UBN2: variants seen among roughly 807,000 people sequenced by gnomAD.
UBN2 encodes the protein ubinuclein-2.
UBN2 carries 35 observed loss-of-function variants against 120.2 expected under a neutral mutation model. The ratio of observed to expected loss-of-function variants is 0.29; its 90% CI spans 0.22 to 0.39. The LOEUF is 0.39. UBN2 is among the 10% of genes least tolerant of loss of function. The pLI is 1.00. For synonymous variants in UBN2, 661 were observed against 648.7 expected (o/e 1.02, Z -0.29); for missense variants, 1,693 against 1,663.2 (o/e 1.02, Z -0.31).
At chr7:139,291,089 G>A (rs544344750) in intron 15 of UBN2, among the ~76,000 whole-genome samples, 7 of 152,158 alleles carry the variant, frequency 4.6e-5, no homozygotes, top group African/African-American at 1.2e-4. Context: ...AGATGGACAC[G>A]GTGGCTCACG....
At chr7:139,266,680 T>C (rs1797107941) in intron 7 of UBN2, among the ~76,000 whole-genome samples, 2 of 152,236 alleles carry the variant, frequency 1.3e-5, no homozygotes, top group South Asian at 4.1e-4. Flanking sequence ...TTAACGTACT[T>C]CATACCACCT....
chr7:139,257,437 C>T (rs1796792594), intron 3 of UBN2, among the ~76,000 whole-genome samples: 1 of 152,146 alleles, frequency 6.6e-6, no homozygotes, highest in African/African-American at 2.4e-5. Flanking sequence ...GAGACAGAGT[C>T]TCGCTGTGTC....
At chr7:139,264,517 A>G (rs76843458) in intron 6 of UBN2, among the ~76,000 whole-genome samples, 1,773 of 152,282 alleles carry the variant, frequency 0.012, 42 homozygotes, top group African/African-American at 0.041. Flanking sequence ...GAAGTCTGCA[A>G]CTTCAATGTG....
chr7:139,322,917 C>T, the UBN2 span, among the ~76,000 whole-genome samples: 2 of 152,102 alleles, frequency 1.3e-5, no homozygotes, highest in African/African-American at 2.4e-5. Context: ...CAGTTTCACA[C>T]AGGACAGAAA....
intron 12 of UBN2, among the ~76,000 whole-genome samples, chr7:139,278,803 C>A (rs1797520374): frequency 6.6e-6 from 1 of 152,078 alleles, no homozygotes; most frequent in Non-Finnish European, 1.5e-5. Context: ...TACTATGGAA[C>A]TTGTTCTTTT....
intron 5 of UBN2, among the ~76,000 whole-genome samples, chr7:139,260,971 C>T (rs1456338183): frequency 6.6e-6 from 1 of 152,046 alleles, no homozygotes; most frequent in African/African-American, 2.4e-5. Context: ...AGCATTTAAG[C>T]CATAGGATTT....
In UBN2 at chr7:139,245,616, G is replaced by T. The variant is rs1006006579; in HGVS notation, c.562-6340G>T. On this transcript the variant is annotated intron_variant, in intron 2 of 17. Transcript: ENST00000473989. ...ATATCTGATTGTGCCCATTACAACA[G>T]AACCTGTTTGTTTAGTTTTCCCAGG... Among the ~76,000 whole-genome samples the T allele has an allele frequency of 2.0e-5, 3 of 152,182 alleles. No individual in the cohort carries two copies. In the South Asian group the frequency reaches 6.2e-4, roughly 31 times the overall value.
rs1798227335 is a variant in UBN2 at position 139,300,448 on chromosome 7, C to G, written c.*2612C>G. 1 of 152,072 alleles carries G rather than the reference C, an allele frequency of 6.6e-6. No individual in the cohort carries two copies. Among genetic ancestry groups the G allele is most frequent in the Non-Finnish European group, 1.5e-5 (1 of 68,016 alleles). The allele number at this position is 152,072 out of a possible 1,614,324, so 9.4% of individuals were successfully genotyped here. ...AAAGGTGCCCATACTTTATGGTCAC[C>G]TGTCTTTACCGTTTTTATTACTAAA... is the stretch of plus-strand genomic sequence containing the variant. On this transcript the variant is annotated 3_prime_UTR_variant, in exon 18 of 18. Transcript: ENST00000473989.
intron 11 of UBN2, among the ~76,000 whole-genome samples, chr7:139,274,491 A>T (rs538809038): frequency 6.6e-6 from 1 of 152,310 alleles, no homozygotes; most frequent in South Asian, 2.1e-4. Context: ...GGCCAGGCAC[A>T]GTGGCTTATG....
At position 139,261,758 on chromosome 7, in the gene UBN2, T is replaced by G; in HGVS notation, c.1395+17T>G. ...CTTCGTGTAGTAAGTGTAATAATTC[T>G]CTTGCTTTTTATTTGCTGCACAAAC... On this transcript the variant is annotated intron_variant, in intron 6 of 17. Transcript: ENST00000473989. 1 of 1,590,434 alleles carries G rather than the reference T, an allele frequency of 6.3e-7. No individual in the cohort carries two copies. The highest frequency in any genetic ancestry group is 8.6e-7 in the Non-Finnish European group (1 of 1,164,808).
At chr7:139,324,699 G>A in the UBN2 span, among the ~76,000 whole-genome samples, 1 of 151,932 alleles carries the variant, frequency 6.6e-6, no homozygotes. Context: ...GGCCGGGCGC[G>A]GTGGCTCACG....
chr7:139,237,758 A>T (rs1796204081), intron 2 of UBN2, among the ~76,000 whole-genome samples: 1 of 152,012 alleles, frequency 6.6e-6, no homozygotes, highest in Admixed American at 6.6e-5. Context: ...TGTAGCTCTA[A>T]CTCTGTTCCC....
chr7:139,289,244 A>C (rs745956016), intron 15 of UBN2, among the ~76,000 whole-genome samples: 1 of 152,150 alleles, frequency 6.6e-6, no homozygotes, highest in African/African-American at 2.4e-5. Context: ...GCAAATACCC[A>C]TGTCACATTT....
In UBN2 at chr7:139,298,770, G is replaced by C. The variant is rs1007367260; in HGVS notation, c.*934G>C. On this transcript the variant is annotated 3_prime_UTR_variant, in exon 18 of 18. Coordinates refer to ENST00000473989, the MANE Select transcript of UBN2 (RefSeq NM_173569.4). Reference sequence around the variant, plus strand: ...GCCCTTGCAGCAACATAAACTCTAAGTTTCCCCAGTTCATCTAACTTCACA... The same window carrying C: ...GCCCTTGCAGCAACATAAACTCTAACTTTCCCCAGTTCATCTAACTTCACA... The C allele has an allele frequency of 6.6e-6, 1 of 152,070 alleles. No homozygotes were observed. The highest frequency in any genetic ancestry group is 2.4e-5 in the African/African-American group (1 of 41,404). 9.4% of individuals were successfully genotyped at this position (152,070 alleles called of 1,614,324 possible). A position where few individuals can be genotyped will look rare whatever the true frequency, so the allele number is the denominator to read the frequency against.
intron 15 of UBN2, among the ~76,000 whole-genome samples, chr7:139,285,260 A>C (rs1797750440): frequency 6.6e-6 from 1 of 152,118 alleles, no homozygotes; most frequent in Non-Finnish European, 1.5e-5. Context: ...TAATACCAGC[A>C]CTTTGGGAGG....
chr7:139,234,990 T>C (rs979435870), intron 1 of UBN2, among the ~76,000 whole-genome samples: 8 of 152,144 alleles, frequency 5.3e-5, no homozygotes, highest in Admixed American at 2.6e-4. Flanking sequence ...TTAATCTTGA[T>C]TGGGGGAGGG....
the UBN2 span, among the ~76,000 whole-genome samples, chr7:139,314,264 G>A: frequency 6.7e-6 from 1 of 149,926 alleles, no homozygotes; most frequent in South Asian, 2.2e-4. Context: ...AGACTAGCCT[G>A]GCCAATATGG....
chr7:139,283,358 C>T lies in UBN2; in HGVS notation c.2453C>T (p.Pro818Leu), dbSNP rs751916344. 11 of 1,613,672 alleles carry T rather than the reference C, an allele frequency of 6.8e-6. No homozygotes were observed. The highest frequency in any genetic ancestry group is 8.5e-6 in the Non-Finnish European group (10 of 1,179,986). ...SIMSKLPLATPKKLDSTQTTH... is the reference protein window; with the variant it reads ...SIMSKLPLATLKKLDSTQTTH... ...ATGAGTAAGCTGCCACTAGCTACTC[C>T]CAAAAAACTAGATTCTACTCAGACT... Residue 818 changes from proline (P) to leucine (L), a missense_variant, in exon 15 of 18, where the codon CCC (proline) becomes CTC (leucine). Physicochemically the swap from Pro to Leu is moderately conservative, Grantham distance 98. Coordinates refer to ENST00000473989, the MANE Select transcript of UBN2 (RefSeq NM_173569.4).
chr7:139,251,157 C>T (rs1334182149), intron 2 of UBN2, among the ~76,000 whole-genome samples: 1 of 151,896 alleles, frequency 6.6e-6, no homozygotes, highest in East Asian at 1.9e-4. Context: ...GCAGCCTGGG[C>T]AATAGAGCAA....
Sources: gnomAD v4.1 joint callset for allele counts (sites outside exome capture counted in the v4.1 genomes callset) on GRCh38, gnomAD v4.1.1 for gene constraint, MANE v1.5 for transcripts, NCBI Gene and HGNC (gene_info 2026-07-23, HGNC 2026-07-21) for gene names.